GLIS3: variants seen among roughly 807,000 people sequenced by gnomAD.
GLIS3 encodes GLIS family zinc finger 3.
GLIS3 carries 53 observed loss-of-function variants against 78.6 expected under a neutral mutation model. That is an observed-to-expected ratio of 0.67 (90% CI 0.54 to 0.85). GLIS3 has a LOEUF of 0.85. Ranked by LOEUF, GLIS3 falls within the 40% of genes least tolerant of loss-of-function variation. The pLI is 0.00. For synonymous variants in GLIS3, 684 were observed against 509.9 expected (o/e 1.34, Z -4.60); for missense variants, 1,703 against 1,231.1 (o/e 1.38, Z -5.74).
intron 2 of GLIS3, among the ~76,000 whole-genome samples, chr9:4,175,104 A>G (rs1045665891): frequency 6.6e-6 from 1 of 152,176 alleles, no homozygotes; most frequent in South Asian, 2.1e-4. Flanking sequence ...AGTTTCCTCA[A>G]TAGTTATTTC....
intron 9 of GLIS3, among the ~76,000 whole-genome samples, chr9:3,848,250 C>T (rs538396153): frequency 1.3e-4 from 20 of 152,178 alleles, no homozygotes; most frequent in South Asian, 2.1e-4. Context: ...CCTGTAATCC[C>T]AGCACTTTGG....
chr9:4,055,556 T>G (rs1826076206), intron 4 of GLIS3, among the ~76,000 whole-genome samples: 1 of 152,176 alleles, frequency 6.6e-6, no homozygotes, highest in African/African-American at 2.4e-5. Flanking sequence ...ACATCAAACC[T>G]CCTCAGAAGG....
intron 4 of GLIS3, chr9:4,054,363 A>C: frequency 2.0e-6 from 2 of 985,458 alleles, no homozygotes; most frequent in Non-Finnish European, 2.4e-6. Context: ...CAAAAGGCAC[A>C]GAGCAATAAA....
chr9:4,146,318 AT>A (rs1834223495), intron 2 of GLIS3, among the ~76,000 whole-genome samples: 1 of 152,238 alleles, frequency 6.6e-6, no homozygotes, highest in Non-Finnish European at 1.5e-5. Context: ...TAGATAAGAA[AT>A]TTGATAATTT....
At chr9:4,300,208 T>TCACACACACACACA (rs35733770), upstream of GLIS3, among the ~76,000 whole-genome samples, 3 of 142,954 alleles carry the variant, frequency 2.1e-5, no homozygotes, top group African/African-American at 5.3e-5. Context: ...CTTGACGCAT[T>TCACACACACACACA]CACACACACA....
chr9:3,861,451 C>T (rs1196080752), intron 8 of GLIS3, among the ~76,000 whole-genome samples: 1 of 152,004 alleles, frequency 6.6e-6, no homozygotes, highest in Non-Finnish European at 1.5e-5. Flanking sequence ...ATTATATACC[C>T]AAATGAATAT....
intron 2 of GLIS3, among the ~76,000 whole-genome samples, chr9:4,334,607 G>A (rs181885741): frequency 1.7e-4 from 26 of 152,330 alleles, no homozygotes; most frequent in African/African-American, 6.0e-4. Context: ...CTAGGTGAAC[G>A]CCAAACAGCC....
At chr9:4,314,811 G>A (rs904166935) in intron 2 of GLIS3, among the ~76,000 whole-genome samples, 2 of 152,194 alleles carry the variant, frequency 1.3e-5, no homozygotes, top group African/African-American at 4.8e-5. Flanking sequence ...AGCCTTCATA[G>A]GGCTGTAGGG....
At chr9:4,040,089 A>ATGT (rs1824672699) in intron 4 of GLIS3, among the ~76,000 whole-genome samples, 1 of 152,172 alleles carries the variant, frequency 6.6e-6, no homozygotes, top group Non-Finnish European at 1.5e-5. Context: ...CATCTGCAGG[A>ATGT]AAGCCCCCTA....
chr9:4,221,430 T>C (rs922783407), intron 2 of GLIS3, among the ~76,000 whole-genome samples: 2 of 152,236 alleles, frequency 1.3e-5, no homozygotes, highest in African/African-American at 4.8e-5. Context: ...ACTTCAAACA[T>C]GTGCAAAACA....
the GLIS3 span, among the ~76,000 whole-genome samples, chr9:4,435,745 G>A: frequency 6.6e-5 from 10 of 151,992 alleles, no homozygotes; most frequent in Admixed American, 2.0e-4. Context: ...GTCAGGAGAT[G>A]GAGACCATCC....
chr9:4,317,960 G>C (rs1292943363), intron 2 of GLIS3, among the ~76,000 whole-genome samples: 1 of 152,148 alleles, frequency 6.6e-6, no homozygotes, highest in Non-Finnish European at 1.5e-5. Flanking sequence ...TATTAAAAAA[G>C]CACATCTACA....
At chr9:4,180,193 G>A (rs1484598207) in intron 2 of GLIS3, among the ~76,000 whole-genome samples, 1 of 152,158 alleles carries the variant, frequency 6.6e-6, no homozygotes, top group Non-Finnish European at 1.5e-5. Context: ...TGCACAAGGA[G>A]AGGAGATGGG....
intron 4 of GLIS3, among the ~76,000 whole-genome samples, chr9:4,048,146 A>T (rs943090460): frequency 1.3e-5 from 2 of 152,020 alleles, no homozygotes; most frequent in Non-Finnish European, 2.9e-5. Flanking sequence ...AATTTATCCG[A>T]CCCCTGAAGA....
At chr9:4,043,195 C>G (rs1824969144) in intron 4 of GLIS3, among the ~76,000 whole-genome samples, 1 of 152,132 alleles carries the variant, frequency 6.6e-6, no homozygotes, top group African/African-American at 2.4e-5. Flanking sequence ...CCATTTGTTC[C>G]TTTCCTCCCA....
At chr9:3,957,895 A>G (rs1817254700) in intron 4 of GLIS3, among the ~76,000 whole-genome samples, 1 of 152,240 alleles carries the variant, frequency 6.6e-6, no homozygotes, top group African/African-American at 2.4e-5. Flanking sequence ...GTTGCAAATC[A>G]GGGAGCTTCG....
chr9:3,908,717 T>TTTG (rs1823910319), intron 6 of GLIS3, among the ~76,000 whole-genome samples: 2 of 145,034 alleles, frequency 1.4e-5, no homozygotes, highest in Non-Finnish European at 3.0e-5. Context: ...TTTTTTTTTT[T>TTTG]TTTTTTTTTT....
intron 4 of GLIS3, among the ~76,000 whole-genome samples, chr9:3,984,879 G>C (rs373432552): frequency 3.9e-5 from 6 of 152,114 alleles, no homozygotes; most frequent in African/African-American, 1.4e-4. Flanking sequence ...GAGATCTGAT[G>C]GTTTTCAAAG....
At chr9:4,120,419 A>G (rs963165275) in intron 3 of GLIS3, among the ~76,000 whole-genome samples, 1 of 152,236 alleles carries the variant, frequency 6.6e-6, no homozygotes, top group East Asian at 1.9e-4. Context: ...ACATCCTTAA[A>G]TTCGGGTTGT....
Sources: gnomAD v4.1 joint callset for allele counts (sites outside exome capture counted in the v4.1 genomes callset) on GRCh38, gnomAD v4.1.1 for gene constraint, MANE v1.5 for transcripts, NCBI Gene and HGNC (gene_info 2026-07-23, HGNC 2026-07-21) for gene names.